QTMAN: variants seen among roughly 807,000 people sequenced by gnomAD.
The protein encoded by QTMAN is queuosine-tRNA mannosyltransferase, also known as tRNA-queuosine alpha-mannosyltransferase.
chr2:144,066,976 A>G, the QTMAN span, among the ~76,000 whole-genome samples: 1 of 152,004 alleles, frequency 6.6e-6, no homozygotes, highest in East Asian at 1.9e-4. Flanking sequence ...ATTTTCTCAC[A>G]CCCCACAACT....
chr2:144,038,307 T>C, the QTMAN span, among the ~76,000 whole-genome samples: 1 of 122,216 alleles, frequency 8.2e-6, no homozygotes, highest in Non-Finnish European at 1.9e-5. Flanking sequence ...CAGACATATA[T>C]ATAACATATA....
chr2:144,006,418 T>C, the QTMAN span: 2 of 152,086 alleles, frequency 1.3e-5, no homozygotes, highest in South Asian at 2.1e-4. Flanking sequence ...CTAGCATCTC[T>C]GCAATAAAGA....
chr2:144,123,296 A>C, the QTMAN span, among the ~76,000 whole-genome samples: 1 of 152,166 alleles, frequency 6.6e-6, no homozygotes, highest in Non-Finnish European at 1.5e-5. Context: ...GTACAGTAAT[A>C]GATAACTTAC....
chr2:143,941,720 TGTCCCTTTTAATGGCAGA>T, the QTMAN span: 4 of 151,706 alleles, frequency 2.6e-5, no homozygotes, highest in Non-Finnish European at 5.9e-5. Context: ...TAGTCTCTTA[TGTCCCTTTTAATGGCAGA>T]AATGTGGGCC....
the QTMAN span, among the ~76,000 whole-genome samples, chr2:144,018,059 T>A: frequency 6.6e-6 from 1 of 152,212 alleles, no homozygotes; most frequent in Admixed American, 6.5e-5. Flanking sequence ...TTCTATTATG[T>A]CTTTCCTATG....
At chr2:144,175,903 T>C in the QTMAN span, among the ~76,000 whole-genome samples, 6 of 152,250 alleles carry the variant, frequency 3.9e-5, no homozygotes, top group African/African-American at 1.4e-4. Context: ...TGACCTCAAG[T>C]GATCCACCTG....
At chr2:144,095,780 C>T in the QTMAN span, among the ~76,000 whole-genome samples, 10 of 151,990 alleles carry the variant, frequency 6.6e-5, no homozygotes, top group South Asian at 4.2e-4. Flanking sequence ...TATGGTTTTT[C>T]TAATTTAATC....
chr2:144,000,595 C>T, the QTMAN span, among the ~76,000 whole-genome samples: 2 of 151,906 alleles, frequency 1.3e-5, no homozygotes, highest in Admixed American at 1.3e-4. Context: ...TAGCTACTTA[C>T]AATAATTATA....
chr2:144,204,328 C>T, the QTMAN span, among the ~76,000 whole-genome samples: 5 of 152,190 alleles, frequency 3.3e-5, no homozygotes, highest in East Asian at 5.8e-4. Context: ...AACAAGTAGG[C>T]GAAGGATATG....
the QTMAN span, among the ~76,000 whole-genome samples, chr2:144,137,130 T>A: frequency 6.6e-6 from 1 of 152,212 alleles, no homozygotes; most frequent in East Asian, 1.9e-4. Flanking sequence ...ACACAGCTCA[T>A]GCACATCTTA....
At chr2:144,016,823 C>A in the QTMAN span, among the ~76,000 whole-genome samples, 168 of 152,210 alleles carry the variant, frequency 1.1e-3, no homozygotes, top group African/African-American at 3.6e-3. Flanking sequence ...AATGGGACAA[C>A]ACTATGATGG....
At chr2:143,969,371 TTTC>T in the QTMAN span, among the ~76,000 whole-genome samples, 1 of 152,212 alleles carries the variant, frequency 6.6e-6, no homozygotes, top group East Asian at 1.9e-4. Context: ...AAATTATAAA[TTTC>T]TTGAGAGCAG....
chr2:144,026,231 T>C, the QTMAN span, among the ~76,000 whole-genome samples: 1 of 151,904 alleles, frequency 6.6e-6, no homozygotes, highest in Non-Finnish European at 1.5e-5. Flanking sequence ...GTCAGGAGTT[T>C]GAGACCAGCC....
the QTMAN span, among the ~76,000 whole-genome samples, chr2:144,252,659 T>C: frequency 2.6e-5 from 4 of 152,164 alleles, no homozygotes; most frequent in African/African-American, 7.2e-5. Flanking sequence ...AACTACAAAA[T>C]GGTATAGCCA....
the QTMAN span, among the ~76,000 whole-genome samples, chr2:144,051,365 T>C: frequency 6.6e-6 from 1 of 151,994 alleles, no homozygotes; most frequent in Non-Finnish European, 1.5e-5. Flanking sequence ...ACCTCATCTC[T>C]ACAAACATTT....
chr2:144,108,062 T>C, the QTMAN span, among the ~76,000 whole-genome samples: 255 of 152,308 alleles, frequency 1.7e-3, 4 homozygotes, highest in African/African-American at 5.9e-3. Flanking sequence ...CAGCCCTTCA[T>C]GCTAAAAACT....
chr2:144,260,363 G>C, the QTMAN span, among the ~76,000 whole-genome samples: 1 of 152,032 alleles, frequency 6.6e-6, no homozygotes, highest in Non-Finnish European at 1.5e-5. Flanking sequence ...GTATGCAGAA[G>C]AGGGAAAACA....
At chr2:144,037,038 G>T in the QTMAN span, among the ~76,000 whole-genome samples, 2 of 152,166 alleles carry the variant, frequency 1.3e-5, no homozygotes, top group Admixed American at 1.3e-4. Flanking sequence ...CATATTTTAT[G>T]ATTCAATTTA....
At chr2:143,946,896 T>TTTG in the QTMAN span, 5 of 577,236 alleles carry the variant, frequency 8.7e-6, no homozygotes, top group Admixed American at 1.6e-4. Flanking sequence ...CCGCCACAGG[T>TTTG]TTGTGGCAGA....
Sources: gnomAD v4.1 joint callset for allele counts (sites outside exome capture counted in the v4.1 genomes callset) on GRCh38, gnomAD v4.1.1 for gene constraint, MANE v1.5 for transcripts, NCBI Gene and HGNC (gene_info 2026-07-23, HGNC 2026-07-21) for gene names.